Variants in DLG2 observed in about 807,000 individuals in gnomAD.
DLG2 encodes the protein disks large homolog 2.
A neutral mutation model predicts 132.5 loss-of-function variants in DLG2; 45 were observed. That is an observed-to-expected ratio of 0.34 (90% CI 0.27 to 0.44). DLG2 has a LOEUF of 0.44. DLG2 is among the 20% of genes least tolerant of loss of function. The probability of loss-of-function intolerance (pLI) is 1.00; values close to 1 mark genes in which losing one functional copy is unlikely to be tolerated. For synonymous variants in DLG2, 424 were observed against 419.6 expected, an observed-to-expected ratio of 1.01 and a Z score of -0.13; for missense variants, 1,045 against 1,196.9, an observed-to-expected ratio of 0.87 and a Z score of 1.87.
intron 17 of DLG2, chr11:83,790,478 C>T (rs2041236308): frequency 4.9e-6 from 6 of 1,224,070 alleles, no homozygotes; most frequent in African/African-American, 3.0e-5. Flanking sequence ...TTGTCACTAC[C>T]ATGGGACCAC....
intron 7 of DLG2, among the ~76,000 whole-genome samples, chr11:84,399,697 G>T (rs961667574): frequency 2.0e-5 from 3 of 152,164 alleles, no homozygotes; most frequent in Non-Finnish European, 4.4e-5. Context: ...GATTACAGGT[G>T]TGAGCCACTG....
At chr11:84,703,562 A>G (rs1189525896) in intron 6 of DLG2, among the ~76,000 whole-genome samples, 2 of 151,490 alleles carry the variant, frequency 1.3e-5, no homozygotes, top group Non-Finnish European at 3.0e-5. Context: ...ATAAAGCTCA[A>G]GTCCACAAAA....
Position 85,608,209 on chromosome 11 carries a change from G to A in DLG2, c.-92-9421C>T, listed in dbSNP as rs557470858. On this transcript the variant is annotated intron_variant, in intron 2 of 27. Coordinates refer to ENST00000376104, the MANE Select transcript of DLG2 (RefSeq NM_001142699.3). ...ACAAACCAAAACCATGGGTGGTTTTGTCTTTCAGATGGGAAACACTCAGGC... is the reference window on the plus strand; with the variant it reads ...ACAAACCAAAACCATGGGTGGTTTTATCTTTCAGATGGGAAACACTCAGGC... Among the ~76,000 whole-genome samples, 16 of 152,200 alleles carry A rather than the reference G, an allele frequency of 1.1e-4. No individual in the cohort carries two copies. The East Asian group carries it at 2.9e-3, about 28-fold the overall frequency.
chr11:84,764,015 A>G (rs544757728), intron 6 of DLG2, among the ~76,000 whole-genome samples: 1 of 152,232 alleles, frequency 6.6e-6, no homozygotes, highest in African/African-American at 2.4e-5. Context: ...CTGGCTTACA[A>G]TTAGTACAGA....
At chr11:84,602,958 C>G (rs10898275) in intron 6 of DLG2, among the ~76,000 whole-genome samples, 9,503 of 152,020 alleles carry the variant, frequency 0.063, 452 homozygotes, top group South Asian at 0.19. Flanking sequence ...TAATGTTCTT[C>G]TCTGATTGCA....
chr11:84,009,294 C>A (rs2094749799), intron 11 of DLG2, among the ~76,000 whole-genome samples: 1 of 151,858 alleles, frequency 6.6e-6, no homozygotes, highest in African/African-American at 2.4e-5. Context: ...GCAAAACAAA[C>A]AAACACCACC....
intron 6 of DLG2, among the ~76,000 whole-genome samples, chr11:84,827,676 C>CAAAAAAAAAAAAAAAAAAAAAAAAAA (rs398016953): frequency 2.8e-5 from 1 of 35,090 alleles, no homozygotes; most frequent in African/African-American, 1.4e-4. Flanking sequence ...TACATACAGT[C>CAAAAAAAAAAAAAAAAAAAAAAAAAA]AAAAAAAAAA....
At chr11:85,328,526 C>A in intron 3 of DLG2, among the ~76,000 whole-genome samples, 1 of 38,812 alleles carries the variant, frequency 2.6e-5, no homozygotes, top group Non-Finnish European at 4.8e-5. Flanking sequence ...ACAAAAACCA[C>A]ATGATTATCT....
chr11:83,571,384 T>A (rs908880635), intron 19 of DLG2, among the ~76,000 whole-genome samples: 7 of 152,070 alleles, frequency 4.6e-5, no homozygotes, highest in Non-Finnish European at 8.8e-5. Flanking sequence ...CCTCCACTTA[T>A]GAACTTTCAA....
At position 84,764,507 on chromosome 11, in the gene DLG2, A is replaced by G. The variant is rs538586122; in HGVS notation, c.358-229776T>C. 2.6e-5 allele frequency among the ~76,000 whole-genome samples: 4 copies of G among 152,234 alleles called. No individual in the cohort carries two copies. The South Asian group carries it at 8.3e-4, about 32-fold the overall frequency. ...AGCACTTTATAATAAAAAATGGCTA[A>G]TTGAATCCTCACAACAGTCCTATCA... On this transcript the variant is annotated intron_variant, in intron 6 of 27. Coordinates refer to ENST00000376104, the MANE Select transcript of DLG2 (RefSeq NM_001142699.3).
intron 6 of DLG2, among the ~76,000 whole-genome samples, chr11:84,965,255 T>C (rs1026640084): frequency 1.3e-5 from 2 of 152,054 alleles, no homozygotes; most frequent in East Asian, 3.9e-4. Flanking sequence ...TCAGACTTCT[T>C]GATCTCCCAG....
chr11:85,272,632 C>T (rs977967792), intron 4 of DLG2, among the ~76,000 whole-genome samples: 5 of 152,114 alleles, frequency 3.3e-5, no homozygotes, highest in African/African-American at 1.2e-4. Context: ...AAGAACATTC[C>T]ATGCTCATGG....
At chr11:84,596,996 G>A (rs550850172) in intron 6 of DLG2, among the ~76,000 whole-genome samples, 7 of 152,210 alleles carry the variant, frequency 4.6e-5, no homozygotes, top group South Asian at 4.2e-4. Context: ...TAAGGCGGGC[G>A]GATCACCTGA....
chr11:85,121,616 C>G (rs965996772), intron 5 of DLG2, among the ~76,000 whole-genome samples: 1 of 151,908 alleles, frequency 6.6e-6, no homozygotes, highest in Non-Finnish European at 1.5e-5. Context: ...TTTGGTTTAT[C>G]ATAGATGTGA....
At chr11:83,701,340 A>ATAATGTATT (rs1289988090) in intron 18 of DLG2, among the ~76,000 whole-genome samples, 2 of 152,184 alleles carry the variant, frequency 1.3e-5, no homozygotes, top group African/African-American at 4.8e-5. Flanking sequence ...ATCCAAAGAG[A>ATAATGTATT]TAATGTATTT....
chr11:83,536,421 T>C (rs538208749), intron 20 of DLG2, among the ~76,000 whole-genome samples: 1 of 152,184 alleles, frequency 6.6e-6, no homozygotes, highest in Non-Finnish European at 1.5e-5. Context: ...ACCTCTTTCC[T>C]TGAGAGGGAG....
intron 18 of DLG2, among the ~76,000 whole-genome samples, chr11:83,641,918 A>G (rs1419082467): frequency 6.6e-6 from 1 of 151,694 alleles, no homozygotes; most frequent in African/African-American, 2.4e-5. Flanking sequence ...TGTGTGAGAG[A>G]GAGAGAGAGA....
chr11:84,438,697 A>G (rs1187473842), intron 7 of DLG2, among the ~76,000 whole-genome samples: 1 of 152,194 alleles, frequency 6.6e-6, no homozygotes, highest in African/African-American at 2.4e-5. Context: ...CTAAGAGACA[A>G]CTGTTTCTTC....
chr11:83,598,324 C>T (rs949685968), intron 19 of DLG2, among the ~76,000 whole-genome samples: 16 of 152,356 alleles, frequency 1.1e-4, no homozygotes, highest in Admixed American at 3.3e-4. Context: ...AACTCCTGAG[C>T]ACCATCTTAA....
Sources: gnomAD v4.1 joint callset for allele counts (sites outside exome capture counted in the v4.1 genomes callset) on GRCh38, gnomAD v4.1.1 for gene constraint, MANE v1.5 for transcripts, NCBI Gene and HGNC (gene_info 2026-07-23, HGNC 2026-07-21) for gene names.